Variants in SYBU observed in about 807,000 individuals in gnomAD.
SYBU encodes syntabulin.
SYBU carries 21 observed loss-of-function variants against 35.9 expected under a neutral mutation model. The ratio of observed to expected loss-of-function variants is 0.58; its 90% confidence interval spans 0.41 to 0.84. The LOEUF is 0.84. SYBU is among the 40% of genes least tolerant of loss of function. SYBU has a pLI of 0.00. For missense variants in SYBU, 768 were observed against 848.2 expected, an observed-to-expected ratio of 0.91 and a Z score of 1.17; for synonymous variants, 319 against 324.3, an observed-to-expected ratio of 0.98 and a Z score of 0.18.
chr8:109,579,666 G>GGAAA, intron 5 of SYBU, 133 bp downstream of exon 5: 2 of 819,124 alleles, frequency 2.4e-6, no homozygotes. Context: ...GCCGAATGTG[G>GGAAA]GAAAGAAAAA....
intron 1 of SYBU, among the ~76,000 whole-genome samples, chr8:109,651,576 A>G (rs1816143804): frequency 6.7e-6 from 1 of 150,246 alleles, no homozygotes; most frequent in Non-Finnish European, 1.5e-5. Flanking sequence ...CAGTTGCACT[A>G]GTTAATGTCT....
At chr8:109,678,271 T>C (rs1333815654) in intron 1 of SYBU, among the ~76,000 whole-genome samples, 1 of 151,656 alleles carries the variant, frequency 6.6e-6, no homozygotes, top group African/African-American at 2.4e-5. Flanking sequence ...AGCATTTAGA[T>C]GAAGCATCAC....
intron 1 of SYBU, among the ~76,000 whole-genome samples, chr8:109,661,797 G>A (rs116188779): frequency 0.014 from 2,174 of 152,224 alleles, 50 homozygotes; most frequent in African/African-American, 0.049. Flanking sequence ...GTAGAGCACC[G>A]GTCTAGGGTC....
rs537102607 is a variant in SYBU, at chr8:109,614,395, T to C, written c.427+4447A>G. On this transcript the variant is annotated intron_variant, in intron 3 of 6. Transcript: ENST00000276646. ...ATCAGGAAACTGACTGCAAACTAAATACGGGAGGAGCACCTGGGAGCAGGA... is the reference window on the plus strand; with the variant it reads ...ATCAGGAAACTGACTGCAAACTAAACACGGGAGGAGCACCTGGGAGCAGGA... 5.9e-5 allele frequency among the ~76,000 whole-genome samples: 9 copies of C among 152,332 alleles called. No individual in the cohort carries two copies. In the South Asian group the frequency reaches 1.9e-3, roughly 32 times the overall value.
At chr8:109,627,588 A>C (rs945789371) in intron 2 of SYBU, among the ~76,000 whole-genome samples, 11 of 152,234 alleles carry the variant, frequency 7.2e-5, no homozygotes, top group African/African-American at 2.2e-4. Context: ...GCTGCTGGGC[A>C]ATTGACTCAG....
In SYBU at chr8:109,579,913, A is replaced by C. The variant is rs1423668508; in HGVS notation, c.620T>G (p.Met207Arg). The part of the protein sequence containing the change: ...SSPREKDLLS[M>R]LCRNQLSPVN... ...AGGGCTCAGCTGATTCCTGCACAGC[A>C]TGGACAGAAGGTCCTTTTCCCGCGG... Residue 207 changes from methionine to arginine, a missense_variant, in exon 5 of 7, where the codon ATG (methionine) becomes AGG (arginine). By Grantham distance (91) the Met-to-Arg change is moderately conservative. Coordinates refer to ENST00000276646, the MANE Select transcript of SYBU (RefSeq NM_001099754.2). 5.6e-6 allele frequency: 9 copies of C among 1,614,052 alleles called. 1 individual carries two copies. In the South Asian group the frequency reaches 9.9e-5, roughly 18 times the overall value.
intron 3 of SYBU, among the ~76,000 whole-genome samples, chr8:109,606,024 C>T (rs1826035361): frequency 6.6e-6 from 1 of 152,080 alleles, no homozygotes; most frequent in African/African-American, 2.4e-5. Context: ...TACATACATA[C>T]ACATATATAT....
chr8:109,586,216 A>G (rs1370939604), intron 3 of SYBU, 54 bp from the exon 4 acceptor site: 1 of 1,344,600 alleles, frequency 7.4e-7, no homozygotes, highest in African/African-American at 1.4e-5. Context: ...TAGAGAACAC[A>G]TTGGCCAGTT....
chr8:109,575,264 G>A lies in SYBU; in HGVS notation c.1634C>T (p.Pro545Leu). 6.2e-7 allele frequency: 1 copy of A among 1,614,208 alleles called. No individual in the cohort carries two copies. Among genetic ancestry groups the A allele is most frequent in the African/African-American group, 1.3e-5 (1 of 75,056 alleles). The part of the protein sequence containing the change: ...SLSALVVDLT[P>L]RNPNSAILLS... Reference sequence around the variant, plus strand: ...AAGGATGGCTGAGTTTGGATTTCTTGGAGTTAAATCAACCACTAAGGCAGA... The same window carrying A: ...AAGGATGGCTGAGTTTGGATTTCTTAGAGTTAAATCAACCACTAAGGCAGA... The change falls in exon 7 of 7, where the codon CCA (proline) becomes CTA (leucine). Residue 545 changes from proline (P) to leucine (L), a missense_variant. Transcript: ENST00000276646.
rs60330422 is a variant in SYBU at position 109,668,165 on chromosome 8, G to GGAGAGAGAGAGAGA, written c.-129+12532_-129+12545dup. ...GAAGAAGAGGCAGAGGGGGAGAGGG[G>GGAGAGAGAGAGAGA]GAGAGAGAGAGAGAGAGAGAGAGAG... is the stretch of plus-strand genomic sequence containing the variant. On this transcript the variant is annotated intron_variant, in intron 1 of 5. Coordinates refer to the SYBU transcript ENST00000408889. Among the ~76,000 whole-genome samples, 73 of 89,038 alleles carry GGAGAGAGAGAGAGA rather than the reference G, an allele frequency of 8.2e-4. 2 individuals are homozygous for GGAGAGAGAGAGAGA. Among genetic ancestry groups the GGAGAGAGAGAGAGA allele is most frequent in the African/African-American group, 9.7e-4 (20 of 20,556 alleles). The allele number at this position is 89,038 out of a possible 152,430, so 58.4% of individuals were successfully genotyped here.
At chr8:109,658,408 T>C (rs1816435092) in intron 1 of SYBU, among the ~76,000 whole-genome samples, 1 of 152,206 alleles carries the variant, frequency 6.6e-6, no homozygotes, top group African/African-American at 2.4e-5. Flanking sequence ...GAAGACAAAC[T>C]GGGGATGTTC....
intron 3 of SYBU, among the ~76,000 whole-genome samples, chr8:109,602,100 G>A (rs889662233): frequency 6.6e-5 from 10 of 152,122 alleles, no homozygotes; most frequent in African/African-American, 2.4e-4. Flanking sequence ...TAGCTCTTAG[G>A]TTCCACAAAA....
intron 1 of SYBU, among the ~76,000 whole-genome samples, chr8:109,679,770 G>A (rs1817334709): frequency 1.3e-5 from 2 of 152,332 alleles, no homozygotes; most frequent in South Asian, 4.1e-4. Flanking sequence ...TCTTGCTAGA[G>A]ATAAAACTGC....
At chr8:109,663,814 G>C (rs898075946) in intron 1 of SYBU, among the ~76,000 whole-genome samples, 22 of 151,962 alleles carry the variant, frequency 1.4e-4, no homozygotes, top group Admixed American at 7.2e-4. Flanking sequence ...TGTTTCTGAT[G>C]CTATTTCATA....
chr8:109,680,831 C>G (rs1319602756), exon 1 of SYBU: 1 of 152,234 alleles, frequency 6.6e-6, no homozygotes, highest in Non-Finnish European at 1.5e-5. Context: ...AGTCAAATGG[C>G]TGTGCCTTCT....
chr8:109,636,124 C>T (rs900466809), intron 2 of SYBU, among the ~76,000 whole-genome samples: 4 of 152,298 alleles, frequency 2.6e-5, no homozygotes, highest in Admixed American at 2.6e-4. Flanking sequence ...CATAGGAAGT[C>T]TTGCATAACC....
chr8:109,634,207 T>G (rs79866612), intron 2 of SYBU, among the ~76,000 whole-genome samples: 1,867 of 152,282 alleles, frequency 0.012, 44 homozygotes, highest in African/African-American at 0.043. Context: ...TATGCTTTGC[T>G]TCTCAAACTC....
chr8:109,640,440 G>C (rs1268888428), intron 2 of SYBU, among the ~76,000 whole-genome samples: 1 of 152,038 alleles, frequency 6.6e-6, no homozygotes, highest in Non-Finnish European at 1.5e-5. Flanking sequence ...TTGATTACAG[G>C]GAGAGAATAC....
In SYBU at chr8:109,644,646, C is replaced by A. The variant is rs1269704501; in HGVS notation, c.14G>T (p.Arg5Leu). 1.3e-6 allele frequency: 2 copies of A among 1,530,258 alleles called. No homozygotes were observed. The highest frequency in any genetic ancestry group is 1.2e-5 in the South Asian group (1 of 83,684). The allele number at this position is 1,530,258 out of a possible 1,614,324, so 94.8% of individuals were successfully genotyped here. A position where few individuals can be genotyped will look rare whatever the true frequency, so the allele number is the denominator to read the frequency against. The change falls in exon 1 of 7, where the codon CGC (arginine) becomes CTC (leucine). Residue 5 changes from arginine (R) to leucine (L), a missense_variant. By Grantham distance (102) the Arg-to-Leu change is moderately radical (BLOSUM62 -2). Coordinates refer to ENST00000276646, the MANE Select transcript of SYBU (RefSeq NM_001099754.2). ...CCCCGCGCTCCTTACCTTGCTCTCGCGGAGGGGCCCCATCGCGCCGCTGCC... is the reference window on the plus strand; with the variant it reads ...CCCCGCGCTCCTTACCTTGCTCTCGAGGAGGGGCCCCATCGCGCCGCTGCC... MGPL[R>L]ESKKEHRVQH...
Sources: allele counts gnomAD v4.1 joint callset (sites outside exome capture counted in the v4.1 genomes callset), GRCh38; gene constraint gnomAD v4.1.1; transcripts MANE v1.5; gene names NCBI Gene and HGNC (gene_info 2026-07-23, HGNC 2026-07-21).